Variants in CNTN2 observed in about 807,000 individuals in gnomAD.
The protein encoded by CNTN2 is contactin-2.
A neutral mutation model predicts 117.5 loss-of-function variants in CNTN2; 53 were observed. That is an observed-to-expected ratio of 0.45 (90% CI 0.36 to 0.57). The LOEUF is 0.57. Ranked by LOEUF, CNTN2 falls within the 20% of genes least tolerant of loss-of-function variation. The pLI, the probability that CNTN2 is intolerant of heterozygous loss-of-function variation, is 0.00. For synonymous variants in CNTN2, 530 were observed against 561.7 expected (o/e 0.94, Z 0.80); for missense variants, 1,106 against 1,404.3 (o/e 0.79, Z 3.39).
At position 205,069,507 on chromosome 1, in the gene CNTN2, C is replaced by T. The variant is rs757187854; in HGVS notation, c.2142C>T (p.Pro714=). The T allele has an allele frequency of 1.2e-6, 2 of 1,614,124 alleles. No homozygotes were observed. The highest frequency in any genetic ancestry group is 1.7e-6 in the Non-Finnish European group (2 of 1,180,020). ...RTREAAPSVA[P]SGLSGGGGAP... ...CCTTGACAGCCCCCTCGGTGGCACC[C>T]TCAGGACTCAGCGGAGGAGGTGGAG... The change falls in exon 17 of 23, where the codon CCC becomes CCT. Residue 714 remains proline (P), a synonymous_variant. Coordinates refer to ENST00000331830, the MANE Select transcript of CNTN2 (RefSeq NM_005076.5).
At chr1:205,070,868 T>C (rs981767408) in intron 19 of CNTN2, 26 of 177,112 alleles carry the variant, frequency 1.5e-4, no homozygotes, top group South Asian at 2.3e-4. Flanking sequence ...TGGTGGCCCA[T>C]GCCTGTAATC....
chr1:205,059,716 G>A lies in CNTN2; in HGVS notation c.797+34G>A. Reference sequence around the variant, plus strand: ...GAAGAGGGAGGGGAAGCAGAGCACGGTCTCTCGGGGGCACAGGTGACCCCA... The same window carrying A: ...GAAGAGGGAGGGGAAGCAGAGCACGATCTCTCGGGGGCACAGGTGACCCCA... On this transcript the variant is annotated intron_variant, in intron 7 of 22. Transcript: ENST00000331830. The surrounding 1 kb of genome is among the most constrained non-coding windows in gnomAD (Gnocchi z 5.6). The A allele has an allele frequency of 6.3e-7, 1 of 1,587,110 alleles. No individual in the cohort carries two copies. The highest frequency in any genetic ancestry group is 8.7e-7 in the Non-Finnish European group (1 of 1,155,786).
At chr1:205,072,930 C>T in intron 21 of CNTN2, 138 bp from the exon 22 acceptor site, 2 of 887,508 alleles carry the variant, frequency 2.3e-6, no homozygotes, top group East Asian at 2.7e-5. Flanking sequence ...GGAGCTTTGT[C>T]AATGGGGAGG....
Position 205,064,669 on chromosome 1 carries a change from C to A in CNTN2, c.1438C>A (p.Arg480=). 2 of 1,614,156 alleles carry A rather than the reference C, an allele frequency of 1.2e-6. No homozygotes were observed. The highest frequency in any genetic ancestry group is 1.7e-6 in the Non-Finnish European group (2 of 1,180,012). The change falls in exon 12 of 23, where the codon CGG becomes AGG. Residue 480 remains arginine, a synonymous_variant. Transcript: ENST00000331830. ...CACCTTGATCATAAGAAACATCAGC[C>A]GGTCAGATGAAGGCAAATACACCTG... is the stretch of plus-strand genomic sequence containing the variant. The part of the protein sequence containing the change: ...DGTLIIRNIS[R]SDEGKYTCFA...
At chr1:205,044,174 G>C (rs1342227370) in intron 1 of CNTN2, among the ~76,000 whole-genome samples, 3 of 152,150 alleles carry the variant, frequency 2.0e-5, no homozygotes, top group African/African-American at 4.8e-5. Flanking sequence ...GGCCAGAATG[G>C]TATGGGGAAG....
intron 1 of CNTN2, among the ~76,000 whole-genome samples, chr1:205,052,623 C>T (rs1356774285): frequency 2.0e-5 from 3 of 152,176 alleles, no homozygotes; most frequent in African/African-American, 7.2e-5. Context: ...AGACTTAAGG[C>T]AGCTCCCAGA....
At position 205,062,423 on chromosome 1, in the gene CNTN2, T is replaced by G; in HGVS notation, c.1111-17T>G. ...CTGTGGTCCTGATCCCCCTGGGCTC[T>G]GGGCTCTTCTGCACAGAACCGGGTG... is the stretch of plus-strand genomic sequence containing the variant. On this transcript the variant is annotated splice_polypyrimidine_tract_variant and intron_variant, in intron 9 of 22. Transcript: ENST00000331830. 6.2e-7 allele frequency: 1 copy of G among 1,606,238 alleles called. No individual in the cohort carries two copies. Among genetic ancestry groups the G allele is most frequent in the Non-Finnish European group, 8.5e-7 (1 of 1,176,410 alleles).
Position 205,061,076 on chromosome 1 carries a change from C to A in CNTN2, c.798-169C>A, listed in dbSNP as rs978833146. ...CCCCTTCCCTGCGTGTGCTCCGAGC[C>A]TACCTGGGAGAGGAGAGTGAGGATC... On this transcript the variant is annotated intron_variant, in intron 7 of 22. Transcript: ENST00000331830. This position sits in a 1 kb window ranked among gnomAD's most constrained non-coding sequence, Gnocchi z 4.8. 10 of 705,938 alleles carry A rather than the reference C, an allele frequency of 1.4e-5. No homozygotes were observed. Among genetic ancestry groups the A allele is most frequent in the South Asian group, 5.9e-5 (3 of 50,514 alleles). The allele number at this position is 705,938 out of a possible 1,614,324, so 43.7% of individuals were successfully genotyped here.
At position 205,075,013 on chromosome 1, in the gene CNTN2, C is replaced by T; in HGVS notation, c.*1248C>T. ...CAGAGCTGGAAGAAGCCTTAGAGCT[C>T]AACTTCTTCAAGCCCCTCACTTTAC... On this transcript the variant is annotated 3_prime_UTR_variant, in exon 23 of 23. Transcript: ENST00000331830. The T allele has an allele frequency of 2.5e-6, 1 of 397,710 alleles. No homozygotes were observed. Among genetic ancestry groups the T allele is most frequent in the Non-Finnish European group, 4.4e-6 (1 of 225,984 alleles). 24.6% of individuals were successfully genotyped at this position (397,710 alleles called of 1,614,324 possible).
rs1239014287 is a variant in CNTN2, at chr1:205,076,498, T to C, written c.*2733T>C. 6.6e-6 allele frequency: 1 copy of C among 152,174 alleles called. No individual in the cohort carries two copies. The highest frequency in any genetic ancestry group is 1.5e-5 in the Non-Finnish European group (1 of 68,030). The allele number at this position is 152,174 out of a possible 1,614,324, so 9.4% of individuals were successfully genotyped here. A position where few individuals can be genotyped will look rare whatever the true frequency, so the allele number is the denominator to read the frequency against. ...GAGAGTGTGCTTATTTTCACTGCGA[T>C]CATGAGACCACAGTTCTGGGTTATC... is the stretch of plus-strand genomic sequence containing the variant. On this transcript the variant is annotated 3_prime_UTR_variant, in exon 23 of 23. Transcript: ENST00000331830.
At position 205,058,199 on chromosome 1, in the gene CNTN2, C is replaced by T. The variant is rs772708966; in HGVS notation, c.234C>T (p.Thr78=). Residue 78 remains threonine (T), a synonymous_variant, in exon 4 of 23, where the codon ACC becomes ACT. Coordinates refer to ENST00000331830, the MANE Select transcript of CNTN2 (RefSeq NM_005076.5). This position sits in a 1 kb window ranked among gnomAD's most constrained non-coding sequence, Gnocchi z 4.3. ...PATYRWKMNG[T]EMKLEPGSRH... ...GCTGCAGGTGGAAGATGAATGGTACCGAGATGAAGCTGGAGCCAGGTTCCC... is the reference window on the plus strand; with the variant it reads ...GCTGCAGGTGGAAGATGAATGGTACTGAGATGAAGCTGGAGCCAGGTTCCC... 18 of 1,584,404 alleles carry T rather than the reference C, an allele frequency of 1.1e-5. No homozygotes were observed. Among genetic ancestry groups the T allele is most frequent in the South Asian group, 2.3e-5 (2 of 85,702 alleles).
Position 205,065,392 on chromosome 1 carries a change from C to T in CNTN2, c.1695+130C>T, listed in dbSNP as rs1654228995. Reference sequence around the variant, plus strand: ...GCGCCCCCATTCCCTCAGGCCCACACATGGCAAGCTCATCCTTGGATGAAC... The same window carrying T: ...GCGCCCCCATTCCCTCAGGCCCACATATGGCAAGCTCATCCTTGGATGAAC... On this transcript the variant is annotated intron_variant, in intron 13 of 22. Transcript: ENST00000331830. The surrounding 1 kb of genome is among the most constrained non-coding windows in gnomAD (Gnocchi z 4.1). 5 of 934,036 alleles carry T rather than the reference C, an allele frequency of 5.4e-6. No homozygotes were observed. The highest frequency in any genetic ancestry group is 1.6e-5 in the South Asian group (1 of 61,530). The allele number at this position is 934,036 out of a possible 1,614,324, so 57.9% of individuals were successfully genotyped here.
chr1:205,074,017 C>G lies in CNTN2; in HGVS notation c.*252C>G, dbSNP rs1654738112. On this transcript the variant is annotated 3_prime_UTR_variant, in exon 23 of 23. Transcript: ENST00000331830. ...TCCATGATGACACTGACGCCTATAC[C>G]TGAGCTCTAGGCTGCCTGGAGGGAA... 4 of 594,422 alleles carry G rather than the reference C, an allele frequency of 6.7e-6. No individual in the cohort carries two copies. The highest frequency in any genetic ancestry group is 1.2e-5 in the Non-Finnish European group (4 of 334,192). 36.8% of individuals were successfully genotyped at this position (594,422 alleles called of 1,614,324 possible).
In CNTN2 at chr1:205,059,343, G is replaced by A. The variant is rs537518186; in HGVS notation, c.697+50G>A. 1.3e-4 allele frequency: 199 copies of A among 1,546,956 alleles called. No homozygotes were observed. The highest frequency in any genetic ancestry group is 1.7e-4 in the Non-Finnish European group (192 of 1,130,044). Reference sequence around the variant, plus strand: ...GAGGGAGGGAACTGGAAGGGTCAGCGGGCATTAGGAAAAGGGTTTTTCCTT... The same window carrying A: ...GAGGGAGGGAACTGGAAGGGTCAGCAGGCATTAGGAAAAGGGTTTTTCCTT... On this transcript the variant is annotated intron_variant, in intron 6 of 22. Coordinates refer to ENST00000331830, the MANE Select transcript of CNTN2 (RefSeq NM_005076.5). The surrounding 1 kb of genome is among the most constrained non-coding windows in gnomAD (Gnocchi z 5.6).
Position 205,058,734 on chromosome 1 carries a change from A to G in CNTN2, c.487+71A>G, listed in dbSNP as rs1316124486. ...CTTCCAGATGCTTGGCAGAGGAAGG[A>G]TGGAATAAAAGGAGACCCCTGGAAA... On this transcript the variant is annotated intron_variant, in intron 5 of 22. Transcript: ENST00000331830. The surrounding 1 kb of genome is among the most constrained non-coding windows in gnomAD (Gnocchi z 4.3). 4 of 1,246,924 alleles carry G rather than the reference A, an allele frequency of 3.2e-6. No homozygotes were observed. The East Asian group carries it at 7.5e-5, about 23-fold the overall frequency. The allele number at this position is 1,246,924 out of a possible 1,614,324, so 77.2% of individuals were successfully genotyped here.
At position 205,067,112 on chromosome 1, in the gene CNTN2, A is replaced by G. The variant is rs986253044; in HGVS notation, c.1987A>G (p.Ile663Val). ...WKQVRTNPANIEGNAETAQVL... is the reference protein window; with the variant it reads ...WKQVRTNPANVEGNAETAQVL... ...CTGGTGCCTTGCAGATCCTGCAAAC[A>G]TCGAGGGCAATGCCGAGACTGCACA... The change falls in exon 16 of 23, where the codon ATC becomes GTC. Residue 663 changes from isoleucine to valine, a missense_variant. Coordinates refer to ENST00000331830, the MANE Select transcript of CNTN2 (RefSeq NM_005076.5). 2 of 1,610,912 alleles carry G rather than the reference A, an allele frequency of 1.2e-6. No homozygotes were observed. The highest frequency in any genetic ancestry group is 1.7e-6 in the Non-Finnish European group (2 of 1,178,592).
intron 18 of CNTN2, 146 bp from the exon 19 acceptor site, chr1:205,070,280 G>A (rs577753557): frequency 9.9e-6 from 7 of 704,564 alleles, no homozygotes; most frequent in Non-Finnish European, 1.4e-5. Flanking sequence ...AGTGGGCCCT[G>A]GAGCATTGCT....
intron 16 of CNTN2, chr1:205,068,458 G>A (rs1461874945): frequency 6.6e-6 from 1 of 152,192 alleles, no homozygotes; most frequent in African/African-American, 2.4e-5. Context: ...AATTCCAGAG[G>A]CAGCACTTTC....
chr1:205,073,835 T>G lies in CNTN2; in HGVS notation c.*70T>G. 7.6e-7 allele frequency: 1 copy of G among 1,320,790 alleles called. No homozygotes were observed. Among genetic ancestry groups the G allele is most frequent in the Non-Finnish European group, 1.1e-6 (1 of 932,580 alleles). 81.8% of individuals were successfully genotyped at this position (1,320,790 alleles called of 1,614,324 possible). Reference sequence around the variant, plus strand: ...ACGGACACAGCCAGCCCCTTCCTGCTGCCAAGGTGGCCTGACACTGTGCCA... The same window carrying G: ...ACGGACACAGCCAGCCCCTTCCTGCGGCCAAGGTGGCCTGACACTGTGCCA... On this transcript the variant is annotated 3_prime_UTR_variant, in exon 23 of 23. Coordinates refer to ENST00000331830, the MANE Select transcript of CNTN2 (RefSeq NM_005076.5). The surrounding 1 kb of genome is among the most constrained non-coding windows in gnomAD (Gnocchi z 6.3).
Sources: gnomAD v4.1 joint callset for allele counts (sites outside exome capture counted in the v4.1 genomes callset) on GRCh38, gnomAD v4.1.1 for gene constraint, Gnocchi (gnomAD v3.1) non-coding constraint, MANE v1.5 for transcripts, NCBI Gene and HGNC (gene_info 2026-07-23, HGNC 2026-07-21) for gene names.